Variants in ZNF140 observed in about 807,000 individuals in gnomAD.
ZNF140 encodes zinc finger protein 140 (clone pHZ-39).
In ZNF140, 13 loss-of-function variants were observed where a neutral mutation model predicts 12.9. That is an observed-to-expected ratio of 1.01 (90% CI 0.66 to 1.60). The LOEUF (loss-of-function observed/expected upper bound fraction) is 1.60, where lower values mean the gene tolerates loss of function less well. ZNF140 is among the 40% of genes most tolerant of loss of function. The pLI is 0.00. For synonymous variants in ZNF140, 214 were observed against 186.7 expected, an observed-to-expected ratio of 1.15 and a Z score of -1.19; for missense variants, 531 against 548.8, an observed-to-expected ratio of 0.97 and a Z score of 0.32.
chr12:133,106,328 C>T lies in ZNF140; in HGVS notation c.1051C>T (p.His351Tyr), dbSNP rs749017924. 1 of 1,614,170 alleles carries T rather than the reference C, an allele frequency of 6.2e-7. No homozygotes were observed. Among genetic ancestry groups the T allele is most frequent in the Non-Finnish European group, 8.5e-7 (1 of 1,180,024 alleles). ...ATTCCTTATTAAACATCAGAGAATT[C>T]ATGCTGGAGAAAAGCTCTATGAATG... The part of the protein sequence containing the change: ...HSFLIKHQRI[H>Y]AGEKLYECDE... Residue 351 changes from histidine to tyrosine, a missense_variant, in exon 5 of 5, where the codon CAT becomes TAT. His to Tyr is a moderately conservative substitution (Grantham distance 83, BLOSUM62 2). Transcript: ENST00000355557.
intron 4 of ZNF140, among the ~76,000 whole-genome samples, chr12:133,087,457 G>A (rs893202960): frequency 2.0e-5 from 3 of 150,814 alleles, no homozygotes; most frequent in Non-Finnish European, 4.4e-5. Flanking sequence ...CCCCACCCTG[G>A]AAATTCTAAA....
chr12:133,097,448 C>T (rs1266054689), intron 4 of ZNF140, among the ~76,000 whole-genome samples: 1 of 151,944 alleles, frequency 6.6e-6, no homozygotes, highest in Non-Finnish European at 1.5e-5. Flanking sequence ...TTGAGACCAT[C>T]CTGGCTAACA....
intron 4 of ZNF140, among the ~76,000 whole-genome samples, chr12:133,101,338 G>C (rs1478485245): frequency 3.3e-5 from 5 of 151,952 alleles, no homozygotes; most frequent in Admixed American, 6.6e-5. Context: ...TGGATAATCT[G>C]TTCCTTTTTT....
At chr12:133,104,408 G>A (rs1257149662) in intron 4 of ZNF140, among the ~76,000 whole-genome samples, 2 of 149,624 alleles carry the variant, frequency 1.3e-5, no homozygotes, top group Non-Finnish European at 3.0e-5. Flanking sequence ...TTGGAGTGCA[G>A]TGGCGCAATC....
intron 4 of ZNF140, chr12:133,093,539 T>C: frequency 1.4e-6 from 1 of 692,624 alleles, no homozygotes; most frequent in South Asian, 1.5e-5. Context: ...ATTTATTTTC[T>C]GGTTAAACAC....
intron 4 of ZNF140, among the ~76,000 whole-genome samples, chr12:133,097,642 C>CA (rs373060839): frequency 0.014 from 1,888 of 133,258 alleles, 27 homozygotes; most frequent in African/African-American, 0.033. Context: ...GACTCTGTCT[C>CA]AAAAAAAAAA....
intron 4 of ZNF140, among the ~76,000 whole-genome samples, chr12:133,103,926 T>G (rs1015846986): frequency 1.8e-4 from 27 of 152,346 alleles, no homozygotes; most frequent in Admixed American, 5.9e-4. Context: ...ACAATTATTT[T>G]AAAAGCTGTT....
intron 4 of ZNF140, among the ~76,000 whole-genome samples, chr12:133,098,149 T>A (rs1264117210): frequency 6.6e-6 from 1 of 152,156 alleles, no homozygotes; most frequent in Non-Finnish European, 1.5e-5. Context: ...TTGTGTTTTT[T>A]ATTGAGCATT....
intron 4 of ZNF140, among the ~76,000 whole-genome samples, chr12:133,096,136 C>A (rs1355545817): frequency 6.6e-6 from 1 of 151,344 alleles, no homozygotes; most frequent in Non-Finnish European, 1.5e-5. Context: ...TTGGACAATA[C>A]CCCGCTTCCA....
rs1360142688 is a variant in ZNF140, at chr12:133,088,866, T to C, written c.232+5305T>C. Among the ~76,000 whole-genome samples the C allele has an allele frequency of 2.6e-5, 4 of 152,366 alleles. No homozygotes were observed. The East Asian group carries it at 5.8e-4, about 22-fold the overall frequency. On this transcript the variant is annotated intron_variant, in intron 4 of 4. Coordinates refer to ENST00000355557, the MANE Select transcript of ZNF140 (RefSeq NM_003440.4). ...TGTGATGGATTATATTTTACATTAA[T>C]TGATTTTCAAATGTTGAACCAGCCC...
chr12:133,082,487 CT>C (rs1474508586), intron 2 of ZNF140: 5 of 152,644 alleles, frequency 3.3e-5, no homozygotes, highest in Non-Finnish European at 5.9e-5. Context: ...ATTATTCCCC[CT>C]AACTCTGAGG....
chr12:133,097,542 C>T (rs1955172534), intron 4 of ZNF140, among the ~76,000 whole-genome samples: 1 of 151,450 alleles, frequency 6.6e-6, no homozygotes, highest in South Asian at 2.1e-4. Context: ...ACTCGGGAGG[C>T]TGAGGCACGA....
intron 4 of ZNF140, among the ~76,000 whole-genome samples, chr12:133,105,149 T>TA (rs1955543299): frequency 6.6e-6 from 1 of 152,198 alleles, no homozygotes; most frequent in South Asian, 2.1e-4. Context: ...GACGAACACT[T>TA]AGTGTTTAGT....
chr12:133,084,630 G>GT lies in ZNF140; in HGVS notation c.232+1070dup, dbSNP rs1344121267. ...TTTTGGAGAAAAGGTGATGAATTCT[G>GT]TAAGTTCTGTAAATTCTATAGTTGC... On this transcript the variant is annotated intron_variant, in intron 4 of 4. Coordinates refer to ENST00000355557, the MANE Select transcript of ZNF140 (RefSeq NM_003440.4). Among the ~76,000 whole-genome samples, 6 of 152,352 alleles carry GT rather than the reference G, an allele frequency of 3.9e-5. No homozygotes were observed. In the East Asian group the frequency reaches 1.2e-3, roughly 29 times the overall value.
chr12:133,081,352 T>TAA, intron 2 of ZNF140, 23 bp downstream of exon 2: 1 of 246,210 alleles, frequency 4.1e-6, no homozygotes, highest in Admixed American at 7.1e-5. Flanking sequence ...TTGATAAATA[T>TAA]ATATATATAT....
rs978495717 is a variant in ZNF140 at position 133,092,816 on chromosome 12, T to C, written c.232+9255T>C. Among the ~76,000 whole-genome samples, 55 of 151,248 alleles carry C rather than the reference T, an allele frequency of 3.6e-4. 5 individuals carry two copies. The highest frequency in any genetic ancestry group is 1.2e-3 in the African/African-American group (48 of 40,880). Reference sequence around the variant, plus strand: ...ATATAATTGGCCTCGAGGGGCCCAGTCTATAATAGTTCCAAATTTATTGTT... The same window carrying C: ...ATATAATTGGCCTCGAGGGGCCCAGCCTATAATAGTTCCAAATTTATTGTT... On this transcript the variant is annotated intron_variant, in intron 4 of 4. Transcript: ENST00000355557.
chr12:133,084,304 ACT>A (rs1168906087), intron 4 of ZNF140: 2 of 311,706 alleles, frequency 6.4e-6, no homozygotes, highest in African/African-American at 4.5e-5. Flanking sequence ...TTAATTCATT[ACT>A]CTTTGATTAA....
Position 133,091,336 on chromosome 12 carries a change from C to A in ZNF140, c.232+7775C>A, listed in dbSNP as rs1302102846. 2.6e-5 allele frequency among the ~76,000 whole-genome samples: 4 copies of A among 151,302 alleles called. 1 individual carries two copies. The East Asian group carries it at 7.7e-4, about 29-fold the overall frequency. On this transcript the variant is annotated intron_variant, in intron 4 of 4. Coordinates refer to ENST00000355557, the MANE Select transcript of ZNF140 (RefSeq NM_003440.4). ...TTTTGTTAACAAGGCACGTCCTGCA[C>A]AGCCCTAGATCCCTTAAACATTGAT...
chr12:133,087,625 A>G (rs949684573), intron 4 of ZNF140, among the ~76,000 whole-genome samples: 1 of 152,124 alleles, frequency 6.6e-6, no homozygotes, highest in Non-Finnish European at 1.5e-5. Context: ...CAGAATTTGC[A>G]TTTCTAACAA....
Sources: gnomAD v4.1 joint callset for allele counts (sites outside exome capture counted in the v4.1 genomes callset) on GRCh38, gnomAD v4.1.1 for gene constraint, MANE v1.5 for transcripts, NCBI Gene and HGNC (gene_info 2026-07-23, HGNC 2026-07-21) for gene names.